The following DNMBP variants were observed in gnomAD, a reference collection of about 807,000 sequenced individuals.
DNMBP encodes the protein dynamin binding protein, also known as dynamin-binding protein.
Under a neutral mutation model 150.0 loss-of-function variants are expected in DNMBP, and 87 were observed. The ratio of observed to expected loss-of-function variants is 0.58; its 90% CI spans 0.49 to 0.69. The LOEUF is 0.69. Ranked by LOEUF, DNMBP falls within the 30% of genes least tolerant of loss-of-function variation. The pLI is 0.00. For synonymous variants in DNMBP, 711 were observed against 750.4 expected (o/e 0.95, Z 0.86); for missense variants, 1,774 against 1,949.0 (o/e 0.91, Z 1.69).
chr10:99,970,971 C>CAAAAAAAA lies in DNMBP; in HGVS notation c.145+1001_145+1008dup, dbSNP rs532226561. Among the ~76,000 whole-genome samples, 74 of 33,192 alleles carry CAAAAAAAA rather than the reference C, an allele frequency of 2.2e-3. 9 individuals are homozygous for CAAAAAAAA. Among genetic ancestry groups the CAAAAAAAA allele is most frequent in the East Asian group, 0.011 (8 of 726 alleles). The allele number at this position is 33,192 out of a possible 152,430, so 21.8% of individuals were successfully genotyped here. A position where few individuals can be genotyped will look rare whatever the true frequency, so the allele number is the denominator to read the frequency against. On this transcript the variant is annotated intron_variant, in intron 2 of 16. Coordinates refer to ENST00000324109, the MANE Select transcript of DNMBP (RefSeq NM_015221.4). ...TGGGCAACAGAGCAAGACTCCGTCT[C>CAAAAAAAA]AAAAAAAAAAAAAAAAAAAAAAAAA...
At chr10:99,911,229 A>G (rs1786974308) in intron 4 of DNMBP, among the ~76,000 whole-genome samples, 1 of 151,658 alleles carries the variant, frequency 6.6e-6, no homozygotes, top group Admixed American at 6.6e-5. Context: ...TAAAAAAAAA[A>G]TCTGGCCAGG....
intron 4 of DNMBP, chr10:99,930,261 G>C (rs1343749625): frequency 1.4e-6 from 1 of 702,934 alleles, no homozygotes; most frequent in Admixed American, 2.0e-5. Context: ...TAAATTCGCT[G>C]AAGAATCATC....
intron 4 of DNMBP, among the ~76,000 whole-genome samples, chr10:99,934,677 A>C (rs909522334): frequency 7.4e-6 from 1 of 135,736 alleles, no homozygotes; most frequent in African/African-American, 2.8e-5. Flanking sequence ...GAGATGGTAA[A>C]ACTGGTACAT....
At chr10:99,965,242 T>C (rs1213201578) in intron 3 of DNMBP, among the ~76,000 whole-genome samples, 3 of 152,260 alleles carry the variant, frequency 2.0e-5, no homozygotes, top group Admixed American at 6.5e-5. Context: ...ATAAGAAAAC[T>C]GAGGCTGAGA....
Position 99,880,250 on chromosome 10 carries a change from G to C in DNMBP, c.4109C>G (p.Ser1370Cys). Residue 1370 changes from serine (S) to cysteine (C), a missense_variant, in exon 16 of 17, where the codon TCC becomes TGC. Physicochemically the swap from Ser to Cys is moderately radical, Grantham distance 112. Transcript: ENST00000324109. The stretch of plus-strand genomic sequence containing the variant: ...GTTCTGGCGTGGGAACCTGGGGGAG[G>C]AGCTGCCGTGCTCAGACTCTGTGGA... ...HSSTESEHGS[S>C]SPRFPRQNSG... The C allele has an allele frequency of 6.2e-7, 1 of 1,614,130 alleles. No individual in the cohort carries two copies. Among genetic ancestry groups the C allele is most frequent in the Non-Finnish European group, 8.5e-7 (1 of 1,180,028 alleles).
At chr10:99,960,852 C>A (rs1349188928) in intron 3 of DNMBP, among the ~76,000 whole-genome samples, 1 of 148,592 alleles carries the variant, frequency 6.7e-6, no homozygotes, top group Non-Finnish European at 1.5e-5. Context: ...GTGGCTATTG[C>A]CTGTAGTCTC....
In DNMBP at chr10:99,902,619, TAA is replaced by T. The variant is rs559947538; in HGVS notation, c.2555-2555_2555-2554del. 3.6e-3 allele frequency among the ~76,000 whole-genome samples: 446 copies of T among 125,138 alleles called. 1 individual carries two copies. The highest frequency in any genetic ancestry group is 0.012 in the Middle Eastern group (3 of 248). 82.1% of individuals were successfully genotyped at this position (125,138 alleles called of 152,430 possible). On this transcript the variant is annotated intron_variant, in intron 6 of 16. Transcript: ENST00000324109. The stretch of plus-strand genomic sequence containing the variant: ...AACACCGCACCCGGCTGCCTCCCTT[TAA>T]AAAAAAAAAAAAAAAAAAATTGTTG...
chr10:99,957,216 G>C lies in DNMBP; in HGVS notation c.269-11C>G. 6.3e-7 allele frequency: 1 copy of C among 1,594,802 alleles called. No homozygotes were observed. The highest frequency in any genetic ancestry group is 8.5e-7 in the Non-Finnish European group (1 of 1,176,282). ...GAATCACCAGGTCACCTAAAGAAAA[G>C]AGGAGCAGAGATGGTGACCTCAGTC... On this transcript the variant is annotated splice_polypyrimidine_tract_variant and intron_variant, in intron 3 of 16. Transcript: ENST00000324109.
intron 4 of DNMBP, among the ~76,000 whole-genome samples, chr10:99,945,388 G>C (rs551491917): frequency 6.6e-6 from 1 of 152,316 alleles, no homozygotes; most frequent in East Asian, 1.9e-4. Flanking sequence ...GAGTGGGTAG[G>C]AGGGCCAGGG....
At chr10:100,007,619 C>G (rs1263086861) in intron 1 of DNMBP, among the ~76,000 whole-genome samples, 1 of 152,184 alleles carries the variant, frequency 6.6e-6, no homozygotes, top group Non-Finnish European at 1.5e-5. Flanking sequence ...AAGAAAAGAT[C>G]TAGAAATCTA....
chr10:99,971,497 C>T (rs1259338315), intron 2 of DNMBP, among the ~76,000 whole-genome samples: 1 of 151,792 alleles, frequency 6.6e-6, no homozygotes, highest in Non-Finnish European at 1.5e-5. Context: ...ACCCACCATG[C>T]CCAGCCTTTA....
At position 99,964,408 on chromosome 10, in the gene DNMBP, C is replaced by T. The variant is rs149654506; in HGVS notation, c.268+4707G>A. Among the ~76,000 whole-genome samples the T allele has an allele frequency of 4.0e-5, 6 of 151,596 alleles. No individual in the cohort carries two copies. The East Asian group carries it at 1.2e-3, about 30-fold the overall frequency. Reference sequence around the variant, plus strand: ...AAGTGCTGGGATTACAGGCGTGAGCCACTGCGCCCAGCCTCCTTGCACTAA... The same window carrying T: ...AAGTGCTGGGATTACAGGCGTGAGCTACTGCGCCCAGCCTCCTTGCACTAA... On this transcript the variant is annotated intron_variant, in intron 3 of 16. Transcript: ENST00000324109.
chr10:99,943,273 G>A (rs559549119), intron 4 of DNMBP, among the ~76,000 whole-genome samples: 6 of 151,380 alleles, frequency 4.0e-5, no homozygotes, highest in African/African-American at 1.2e-4. Flanking sequence ...TGACAAGAGT[G>A]AGACTCTGTC....
At chr10:99,898,010 G>T in intron 9 of DNMBP, 76 bp downstream of exon 9, 1 of 1,312,288 alleles carries the variant, frequency 7.6e-7, no homozygotes, top group Non-Finnish European at 1.1e-6. Context: ...CAACTCTAGC[G>T]AAGTAATGAA....
intron 4 of DNMBP, among the ~76,000 whole-genome samples, chr10:99,933,859 C>A (rs2040191257): frequency 6.6e-6 from 1 of 152,226 alleles, no homozygotes; most frequent in South Asian, 2.1e-4. Flanking sequence ...GCCTCAGCCT[C>A]CGCAGCAGCT....
chr10:99,990,279 G>T (rs933814554), intron 1 of DNMBP, among the ~76,000 whole-genome samples: 1 of 152,114 alleles, frequency 6.6e-6, no homozygotes, highest in Non-Finnish European at 1.5e-5. Flanking sequence ...CTGGCTAGGC[G>T]TGGTGGCTCA....
intron 4 of DNMBP, among the ~76,000 whole-genome samples, chr10:99,931,646 G>A (rs2040159470): frequency 6.6e-6 from 1 of 152,152 alleles, no homozygotes; most frequent in Non-Finnish European, 1.5e-5. Flanking sequence ...AGTCGAAAAT[G>A]AGGCCAGAAA....
chr10:99,961,218 T>C (rs938239624), intron 3 of DNMBP, among the ~76,000 whole-genome samples: 1 of 150,254 alleles, frequency 6.7e-6, no homozygotes, highest in Admixed American at 6.6e-5. Context: ...CTGCTGCTCA[T>C]TTCCTTTTTT....
intron 1 of DNMBP, 118 bp from the exon 2 acceptor site, chr10:99,972,252 T>C: frequency 1.0e-6 from 1 of 986,100 alleles, no homozygotes; most frequent in Non-Finnish European, 1.4e-6. Flanking sequence ...AAGCCAAAGC[T>C]AAGCAAATAA....
Sources: gnomAD v4.1 joint callset for allele counts (sites outside exome capture counted in the v4.1 genomes callset) on GRCh38, gnomAD v4.1.1 for gene constraint, MANE v1.5 for transcripts, NCBI Gene and HGNC (gene_info 2026-07-23, HGNC 2026-07-21) for gene names.